The following SLC39A11 variants were observed in gnomAD, a reference collection of about 807,000 sequenced individuals.
SLC39A11 encodes zinc transporter ZIP11.
SLC39A11 carries 33 observed loss-of-function variants against 36.1 expected under a neutral mutation model. The observed-to-expected ratio is 0.91, with a 90% CI of 0.69 to 1.22. The LOEUF (loss-of-function observed/expected upper bound fraction) is 1.22. Among genes scored for constraint, SLC39A11 ranks in the 50% most tolerant of loss-of-function variants. The pLI is 0.00. For missense variants in SLC39A11, 432 were observed against 430.3 expected (o/e 1.00, Z -0.03); for synonymous variants, 166 against 170.3 (o/e 0.97, Z 0.20).
In SLC39A11 at chr17:72,659,643, C is replaced by T. The variant is rs774862283; in HGVS notation, c.672-10375G>A. Among the ~76,000 whole-genome samples the T allele has an allele frequency of 2.4e-4, 30 of 125,938 alleles. 1 individual carries two copies. The highest frequency in any genetic ancestry group is 0.014 in the Middle Eastern group (2 of 144). 82.6% of individuals were successfully genotyped at this position (125,938 alleles called of 152,430 possible). A position where few individuals can be genotyped will look rare whatever the true frequency, so the allele number is the denominator to read the frequency against. On this transcript the variant is annotated intron_variant, in intron 7 of 9. Coordinates refer to ENST00000255559, the MANE Select transcript of SLC39A11 (RefSeq NM_139177.4). ...TGTTGCCCAGGCTGAAGTGCAGTGG[C>T]GCGATCTTGGGTCACTGCAACCTCT...
intron 5 of SLC39A11, among the ~76,000 whole-genome samples, chr17:72,860,642 G>C (rs2079928968): frequency 6.6e-6 from 1 of 152,150 alleles, no homozygotes; most frequent in African/African-American, 2.4e-5. Context: ...ACCAGGCTTG[G>C]TGCACGTTCC....
At chr17:72,817,012 G>GT (rs1303733943) in intron 6 of SLC39A11, among the ~76,000 whole-genome samples, 1 of 151,934 alleles carries the variant, frequency 6.6e-6, no homozygotes, top group Non-Finnish European at 1.5e-5. Flanking sequence ...TGCAGTAATG[G>GT]TTTGCTATGG....
chr17:72,687,756 C>T (rs570658597), intron 7 of SLC39A11, among the ~76,000 whole-genome samples: 6 of 152,254 alleles, frequency 3.9e-5, no homozygotes, highest in African/African-American at 7.2e-5. Context: ...TGGCAGCAGC[C>T]GCCTTTGACC....
At chr17:72,925,746 AAGG>A (rs1255443495) in intron 5 of SLC39A11, among the ~76,000 whole-genome samples, 1 of 152,218 alleles carries the variant, frequency 6.6e-6, no homozygotes, top group African/African-American at 2.4e-5. Flanking sequence ...AGAATTCTTC[AAGG>A]ACGTCATGAG....
intron 5 of SLC39A11, among the ~76,000 whole-genome samples, chr17:72,856,853 G>T (rs2079667991): frequency 6.6e-6 from 1 of 152,052 alleles, no homozygotes; most frequent in African/African-American, 2.4e-5. Context: ...GCTAATTTTT[G>T]TATTTTTAGT....
intron 3 of SLC39A11, among the ~76,000 whole-genome samples, chr17:73,039,673 G>A (rs2059043695): frequency 6.6e-6 from 1 of 152,126 alleles, no homozygotes; most frequent in South Asian, 2.1e-4. Context: ...GTGAGTAATT[G>A]TTTAAAATAA....
intron 5 of SLC39A11, among the ~76,000 whole-genome samples, chr17:72,860,620 C>T (rs780688964): frequency 1.6e-4 from 24 of 152,190 alleles, no homozygotes; most frequent in Non-Finnish European, 2.4e-4. Flanking sequence ...GGGAGACAAG[C>T]GAAAAACCCG....
At chr17:72,766,312 C>T (rs186383552) in intron 6 of SLC39A11, among the ~76,000 whole-genome samples, 8 of 152,310 alleles carry the variant, frequency 5.3e-5, no homozygotes, top group Non-Finnish European at 1.2e-4. Context: ...TGGAAGAAAC[C>T]ATCGCCCAAA....
intron 4 of SLC39A11, among the ~76,000 whole-genome samples, chr17:72,970,117 G>A (rs186769343): frequency 2.9e-4 from 44 of 152,290 alleles, no homozygotes; most frequent in East Asian, 1.9e-4. Flanking sequence ...TCTTTCAACC[G>A]TTAAAAGGTC....
At chr17:72,695,027 C>T (rs914408852) in intron 7 of SLC39A11, among the ~76,000 whole-genome samples, 1 of 152,202 alleles carries the variant, frequency 6.6e-6, no homozygotes, top group African/African-American at 2.4e-5. Context: ...TAAGAAGCAG[C>T]TGCCCCTTTC....
intron 4 of SLC39A11, among the ~76,000 whole-genome samples, chr17:72,994,090 C>T (rs987911162): frequency 2.6e-5 from 4 of 152,180 alleles, no homozygotes; most frequent in East Asian, 1.9e-4. Flanking sequence ...TGAACTGCCA[C>T]GCCTGGCCTG....
chr17:72,952,567 A>T (rs1298520931), intron 4 of SLC39A11, among the ~76,000 whole-genome samples: 1 of 152,178 alleles, frequency 6.6e-6, no homozygotes, highest in African/African-American at 2.4e-5. Context: ...CCTAAAATAA[A>T]TACAGCCTTG....
chr17:72,682,810 A>G (rs78747305), intron 7 of SLC39A11, among the ~76,000 whole-genome samples: 5,831 of 152,302 alleles, frequency 0.038, 363 homozygotes, highest in African/African-American at 0.13. Context: ...TCTTCTTATC[A>G]GTCCTTTATT....
intron 5 of SLC39A11, among the ~76,000 whole-genome samples, chr17:72,938,768 C>T (rs1486239700): frequency 6.6e-6 from 1 of 152,200 alleles, no homozygotes; most frequent in Non-Finnish European, 1.5e-5. Context: ...ATTAAAAACA[C>T]ATTTTCCAGT....
chr17:72,660,381 C>G (rs1274340197), intron 7 of SLC39A11, among the ~76,000 whole-genome samples: 2 of 152,224 alleles, frequency 1.3e-5, no homozygotes, highest in Non-Finnish European at 2.9e-5. Flanking sequence ...TAACAACATG[C>G]CTTGCCCCTC....
chr17:72,945,760 G>T (rs1307973931), intron 5 of SLC39A11, among the ~76,000 whole-genome samples: 1 of 152,168 alleles, frequency 6.6e-6, no homozygotes, highest in Non-Finnish European at 1.5e-5. Context: ...ACTCTGGGTT[G>T]GCCAAGAAGA....
chr17:72,849,657 G>A lies in SLC39A11; in HGVS notation c.578C>T (p.Ala193Val). ...ACCTGGAACGTTGTGTATAGTGATG[G>A]CCAAGATGAGCAGTGCGATCCTCCT... ...SWRRIALLIL[A>V]ITIHNVPEGL... Residue 193 changes from alanine to valine, a missense_variant, in exon 6 of 10, where the codon GCC (alanine) becomes GTC (valine). Physicochemically the swap from Ala to Val is moderately conservative, Grantham distance 64 (BLOSUM62 0). Transcript: ENST00000255559. 6.3e-7 allele frequency: 1 copy of A among 1,583,340 alleles called. No individual in the cohort carries two copies. Among genetic ancestry groups the A allele is most frequent in the Non-Finnish European group, 8.6e-7 (1 of 1,167,722 alleles).
chr17:72,797,510 G>A lies in SLC39A11; in HGVS notation c.601+52124C>T, dbSNP rs975114362. Among the ~76,000 whole-genome samples, 4 of 152,110 alleles carry A rather than the reference G, an allele frequency of 2.6e-5. No homozygotes were observed. The East Asian group carries it at 7.7e-4, about 29-fold the overall frequency. On this transcript the variant is annotated intron_variant, in intron 6 of 9. Transcript: ENST00000255559. ...ATTTAAAAGATGGGGTACTGGCAAGGAAAGGCTCTATTTGCTTGGGGGAAT... is the reference window on the plus strand; with the variant it reads ...ATTTAAAAGATGGGGTACTGGCAAGAAAAGGCTCTATTTGCTTGGGGGAAT...
At chr17:73,047,945 C>T (rs1251033031) in intron 3 of SLC39A11, among the ~76,000 whole-genome samples, 4 of 110,526 alleles carry the variant, frequency 3.6e-5, no homozygotes, top group Admixed American at 1.3e-4. Flanking sequence ...TCCAATCTGG[C>T]GACAGAGCAA....
Sources: gnomAD v4.1 joint callset for allele counts (sites outside exome capture counted in the v4.1 genomes callset) on GRCh38, gnomAD v4.1.1 for gene constraint, MANE v1.5 for transcripts, NCBI Gene and HGNC (gene_info 2026-07-23, HGNC 2026-07-21) for gene names.